Variants in SIL1 observed in about 807,000 individuals in gnomAD.
The protein encoded by SIL1 is SIL1 nucleotide exchange factor, also known as nucleotide exchange factor SIL1.
A neutral mutation model predicts 49.1 loss-of-function variants in SIL1; 40 were observed. The ratio of observed to expected loss-of-function variants is 0.81; its 90% CI spans 0.63 to 1.06. The LOEUF is 1.06. Among genes scored for constraint, SIL1 ranks in the 50% least tolerant of loss-of-function variants. The pLI is 0.00. For missense variants in SIL1, 500 were observed against 572.6 expected (o/e 0.87, Z 1.29); for synonymous variants, 253 against 250.8 (o/e 1.01, Z -0.08).
At chr5:138,968,680 G>C (rs1450174126) in intron 7 of SIL1, among the ~76,000 whole-genome samples, 1 of 152,160 alleles carries the variant, frequency 6.6e-6, no homozygotes. Context: ...TCAAGGACCT[G>C]GACTGTGCCT....
rs113187843 is a variant in SIL1 at position 138,964,719 on chromosome 5, T to A, written c.768-12835A>T. On this transcript the variant is annotated intron_variant, in intron 7 of 9. Coordinates refer to ENST00000394817, the MANE Select transcript of SIL1 (RefSeq NM_022464.5). ...AAACACAAAATCTCTATGGCTTGAATAGCAAGGGAAACAAAAGGCTTGACG... is the reference window on the plus strand; with the variant it reads ...AAACACAAAATCTCTATGGCTTGAAAAGCAAGGGAAACAAAAGGCTTGACG... Among the ~76,000 whole-genome samples, 717 of 152,320 alleles carry A rather than the reference T, an allele frequency of 4.7e-3. 7 individuals carry two copies. The highest frequency in any genetic ancestry group is 0.017 in the African/African-American group (691 of 41,580).
intron 5 of SIL1, chr5:139,035,084 T>C (rs1490053466): frequency 8.5e-6 from 2 of 234,144 alleles, no homozygotes; most frequent in Non-Finnish European, 1.7e-5. Flanking sequence ...AAAGTGTCTA[T>C]GTCCTTTGCC....
At chr5:139,011,426 C>T (rs1241564846) in intron 7 of SIL1, among the ~76,000 whole-genome samples, 6 of 152,144 alleles carry the variant, frequency 3.9e-5, no homozygotes, top group African/African-American at 1.2e-4. Context: ...CCATCTTCTG[C>T]GTCGGTCACG....
At position 139,039,987 on chromosome 5, in the gene SIL1, T is replaced by C. The variant is rs184007078; in HGVS notation, c.453+2633A>G. 4.2e-3 allele frequency among the ~76,000 whole-genome samples: 639 copies of C among 152,272 alleles called. 2 individuals are homozygous for C. The highest frequency in any genetic ancestry group is 0.015 in the African/African-American group (610 of 41,558). ...CAAGCTACCGATGGATACAATATAA[T>C]TGATGTTCTCGTCCCCAAAAACATC... On this transcript the variant is annotated intron_variant, in intron 5 of 9. Coordinates refer to ENST00000394817, the MANE Select transcript of SIL1 (RefSeq NM_022464.5).
intron 3 of SIL1, among the ~76,000 whole-genome samples, chr5:139,113,289 T>C (rs1034523688): frequency 6.7e-6 from 1 of 149,944 alleles, no homozygotes; most frequent in South Asian, 2.1e-4. Context: ...CCAAGAATGA[T>C]CAATAAAAAA....
At chr5:139,156,754 T>C (rs1215370429) in intron 1 of SIL1, among the ~76,000 whole-genome samples, 2 of 152,218 alleles carry the variant, frequency 1.3e-5, no homozygotes, top group Non-Finnish European at 2.9e-5. Flanking sequence ...GATTTTGCCC[T>C]ACAAGGTATA....
rs948754486 is a variant in SIL1 at position 139,136,767 on chromosome 5, A to G, written c.-10-8914T>C. Among the ~76,000 whole-genome samples, 9 of 152,308 alleles carry G rather than the reference A, an allele frequency of 5.9e-5. No individual in the cohort carries two copies. The East Asian group carries it at 1.5e-3, about 26-fold the overall frequency. The stretch of plus-strand genomic sequence containing the variant: ...TTTGAAGATTTGAGGCCACATTTCT[A>G]AATGTGATTTTTCAACATTTCACTA... On this transcript the variant is annotated intron_variant, in intron 1 of 9. Transcript: ENST00000394817.
chr5:139,076,568 A>T (rs1285021288), intron 3 of SIL1, among the ~76,000 whole-genome samples: 1 of 152,290 alleles, frequency 6.6e-6, no homozygotes, highest in Non-Finnish European at 1.5e-5. Flanking sequence ...CCTGCAATCA[A>T]TCTCTGGGCT....
At chr5:139,014,452 G>A (rs764451189) in intron 7 of SIL1, among the ~76,000 whole-genome samples, 1 of 151,976 alleles carries the variant, frequency 6.6e-6, no homozygotes, top group African/African-American at 2.4e-5. Context: ...TTTGTGTGCT[G>A]AGAGTTATGT....
At chr5:139,078,041 C>T (rs1769991854) in intron 3 of SIL1, among the ~76,000 whole-genome samples, 1 of 152,166 alleles carries the variant, frequency 6.6e-6, no homozygotes, top group Admixed American at 6.5e-5. Context: ...GCCACTTGTG[C>T]AATATGGATG....
At chr5:139,143,350 TATATATATATATATATG>T (rs1751130364) in intron 1 of SIL1, among the ~76,000 whole-genome samples, 1 of 145,802 alleles carries the variant, frequency 6.9e-6, no homozygotes. Flanking sequence ...CACACATATA[TATATATATATATATATG>T]GTTTTTTGTT....
chr5:139,026,856 G>T lies in SIL1; in HGVS notation c.590C>A (p.Ser197Tyr), dbSNP rs774161130. 6.2e-7 allele frequency: 1 copy of T among 1,614,192 alleles called. No homozygotes were observed. Among genetic ancestry groups the T allele is most frequent in the East Asian group, 2.2e-5 (1 of 44,886 alleles). Residue 197 changes from serine to tyrosine, a missense_variant, in exon 6 of 10, where the codon TCC becomes TAC. Transcript: ENST00000394817. ...RLINKFNSSSSSLEEKIAALF... is the reference protein window; with the variant it reads ...RLINKFNSSSYSLEEKIAALF... Reference sequence around the variant, plus strand: ...CGCAGCAATCTTCTCTTCCAAACTGGAGCTGGAACTATTGAACTTGTTGAT... The same window carrying T: ...CGCAGCAATCTTCTCTTCCAAACTGTAGCTGGAACTATTGAACTTGTTGAT...
At chr5:139,003,626 T>G (rs569981130) in intron 7 of SIL1, among the ~76,000 whole-genome samples, 1 of 152,346 alleles carries the variant, frequency 6.6e-6, no homozygotes, top group South Asian at 2.1e-4. Context: ...ATGTCTCCTG[T>G]ATCATTTAAA....
intron 1 of SIL1, among the ~76,000 whole-genome samples, chr5:139,142,039 T>C (rs1340533122): frequency 6.6e-6 from 1 of 152,150 alleles, no homozygotes; most frequent in Admixed American, 6.6e-5. Context: ...CTTGACCCTG[T>C]AAGGGCAGTT....
At position 139,188,258 on chromosome 5, in the gene SIL1, T is replaced by C. The variant is rs1414161157; in HGVS notation, c.-11+10011A>G. Reference sequence around the variant, plus strand: ...CAAAAGCAAGAAATAAGAGGGCGCTTCTGTAATAATTCTGGAGCACAGTCA... The same window carrying C: ...CAAAAGCAAGAAATAAGAGGGCGCTCCTGTAATAATTCTGGAGCACAGTCA... On this transcript the variant is annotated intron_variant, in intron 1 of 9. Transcript: ENST00000394817. Among the ~76,000 whole-genome samples the C allele has an allele frequency of 2.6e-5, 4 of 152,156 alleles. No individual in the cohort carries two copies. In the South Asian group the frequency reaches 6.2e-4, roughly 24 times the overall value.
chr5:139,153,748 G>GA (rs1312349243), intron 1 of SIL1, among the ~76,000 whole-genome samples: 2 of 151,836 alleles, frequency 1.3e-5, no homozygotes, highest in Admixed American at 6.6e-5. Context: ...CCTTCTAAGA[G>GA]AAAAAAAGGG....
intron 5 of SIL1, among the ~76,000 whole-genome samples, chr5:139,038,191 A>C (rs1469301566): frequency 1.3e-5 from 2 of 152,230 alleles, no homozygotes; most frequent in Non-Finnish European, 2.9e-5. Context: ...AGACACAAAC[A>C]TTCAATCCAT....
intron 1 of SIL1, among the ~76,000 whole-genome samples, chr5:139,131,134 T>C (rs918900894): frequency 6.6e-6 from 1 of 152,198 alleles, no homozygotes; most frequent in Non-Finnish European, 1.5e-5. Context: ...GAAAACCTTA[T>C]GAAAATTCAG....
chr5:139,085,987 G>C (rs1770209090), intron 3 of SIL1, among the ~76,000 whole-genome samples: 1 of 152,158 alleles, frequency 6.6e-6, no homozygotes, highest in Non-Finnish European at 1.5e-5. Flanking sequence ...TTGCCGGCCA[G>C]CTTGGTGGTT....
Sources: allele counts gnomAD v4.1 joint callset (sites outside exome capture counted in the v4.1 genomes callset), GRCh38; gene constraint gnomAD v4.1.1; transcripts MANE v1.5; gene names NCBI Gene and HGNC (gene_info 2026-07-23, HGNC 2026-07-21).